The following LEPROTL1 variants were observed in gnomAD, a reference collection of about 807,000 sequenced individuals.
The protein encoded by LEPROTL1 is leptin receptor overlapping transcript like 1, also known as leptin receptor overlapping transcript-like 1.
In LEPROTL1, 6 loss-of-function variants were observed where a neutral mutation model predicts 15.4. The ratio of observed to expected loss-of-function variants is 0.39; its 90% confidence interval spans 0.21 to 0.77. The LOEUF (loss-of-function observed/expected upper bound fraction) is 0.77. Ranked by LOEUF, LEPROTL1 falls within the 30% of genes least tolerant of loss-of-function variation. The pLI is 0.41. For missense variants in LEPROTL1, 128 were observed against 158.1 expected (o/e 0.81, Z 1.02); for synonymous variants, 56 against 52.6 (o/e 1.06, Z -0.28).
intron 3 of LEPROTL1, chr8:30,104,837 C>G (rs1335873274): frequency 2.5e-5 from 4 of 160,120 alleles, no homozygotes; most frequent in Admixed American, 6.5e-5. Flanking sequence ...CTCAGCCTCC[C>G]GAGTAGCTGG....
intron 3 of LEPROTL1, among the ~76,000 whole-genome samples, chr8:30,113,635 C>T (rs1802688695): frequency 6.6e-6 from 1 of 152,092 alleles, no homozygotes; most frequent in Non-Finnish European, 1.5e-5. Flanking sequence ...CCATTATGGG[C>T]CGGAGAGAAC....
intron 3 of LEPROTL1, among the ~76,000 whole-genome samples, chr8:30,129,427 G>A (rs1053524981): frequency 2.9e-4 from 44 of 152,084 alleles, no homozygotes; most frequent in African/African-American, 4.1e-4. Flanking sequence ...ACCTGAGGCC[G>A]GGAGCGTTGA....
intron 3 of LEPROTL1, among the ~76,000 whole-genome samples, chr8:30,118,758 AG>A (rs1221371860): frequency 6.6e-6 from 1 of 152,200 alleles, no homozygotes; most frequent in Admixed American, 6.5e-5. Context: ...GCAGGGTGAT[AG>A]TGGGGAGAAG....
intron 1 of LEPROTL1, chr8:30,096,034 C>T: frequency 3.3e-6 from 2 of 601,054 alleles, no homozygotes. Flanking sequence ...CCACCCCGGC[C>T]GCCCGCGCCC....
At position 30,106,697 on chromosome 8, in the gene LEPROTL1, A is replaced by C; in HGVS notation, c.*835A>C. 1.0e-6 allele frequency: 1 copy of C among 984,742 alleles called. No individual in the cohort carries two copies. The highest frequency in any genetic ancestry group is 1.2e-6 in the Non-Finnish European group (1 of 828,984). The allele number at this position is 984,742 out of a possible 1,614,324, so 61.0% of individuals were successfully genotyped here. The stretch of plus-strand genomic sequence containing the variant: ...TTTTTGAATCCTGTTTCTATTTATA[A>C]GTGAAATTTGTGATCTCCTATCAAC... On this transcript the variant is annotated 3_prime_UTR_variant, in exon 4 of 4. Coordinates refer to ENST00000321250, the MANE Select transcript of LEPROTL1 (RefSeq NM_015344.3).
chr8:30,117,209 C>T (rs1274555243), intron 3 of LEPROTL1, among the ~76,000 whole-genome samples: 1 of 151,962 alleles, frequency 6.6e-6, no homozygotes. Context: ...ATCTTAAGGC[C>T]AGGTGTGGTG....
intron 3 of LEPROTL1, among the ~76,000 whole-genome samples, chr8:30,122,620 G>A (rs923407511): frequency 4.6e-5 from 7 of 152,224 alleles, no homozygotes; most frequent in South Asian, 4.1e-4. Flanking sequence ...GTGAAACTCC[G>A]TCTCTACTTA....
chr8:30,133,177 A>C (rs1323257760), intron 4 of LEPROTL1, among the ~76,000 whole-genome samples: 1 of 152,164 alleles, frequency 6.6e-6, no homozygotes, highest in African/African-American at 2.4e-5. Context: ...TCGGCCTCCC[A>C]GAGTGCTGGG....
Position 30,104,228 on chromosome 8 carries a change from TA to T in LEPROTL1, c.93-67del, listed in dbSNP as rs1802519117. ...GTCAAGCGATTGAATCTTGATTTTT[TA>T]AAAAGACCATATTTTGTGTGTAGGA... On this transcript the variant is annotated intron_variant, in intron 2 of 3. Coordinates refer to ENST00000321250, the MANE Select transcript of LEPROTL1 (RefSeq NM_015344.3). 18 of 932,514 alleles carry T rather than the reference TA, an allele frequency of 1.9e-5. No homozygotes were observed. The South Asian group carries it at 4.9e-4, about 25-fold the overall frequency. 57.8% of individuals were successfully genotyped at this position (932,514 alleles called of 1,614,324 possible).
intron 2 of LEPROTL1, among the ~76,000 whole-genome samples, chr8:30,102,980 T>C (rs1307295750): frequency 6.6e-6 from 1 of 152,194 alleles, no homozygotes; most frequent in African/African-American, 2.4e-5. Context: ...TGTTAGACTT[T>C]CTGATACAAA....
Position 30,105,884 on chromosome 8 carries a change from T to C in LEPROTL1, c.*22T>C. 6.7e-7 allele frequency: 1 copy of C among 1,484,700 alleles called. No homozygotes were observed. 92.0% of individuals were successfully genotyped at this position (1,484,700 alleles called of 1,614,324 possible). ...GTGAAAAGAAATTACTGAACTATTGTCAAATGGACTTCCTGTCATTTGTTG... is the reference window on the plus strand; with the variant it reads ...GTGAAAAGAAATTACTGAACTATTGCCAAATGGACTTCCTGTCATTTGTTG... On this transcript the variant is annotated 3_prime_UTR_variant, in exon 4 of 4. Coordinates refer to ENST00000321250, the MANE Select transcript of LEPROTL1 (RefSeq NM_015344.3).
At chr8:30,130,054 C>T (rs1478735781) in intron 3 of LEPROTL1, among the ~76,000 whole-genome samples, 2 of 152,126 alleles carry the variant, frequency 1.3e-5, no homozygotes, top group African/African-American at 2.4e-5. Context: ...GCCCCTCTTC[C>T]GACACTGGGG....
intron 3 of LEPROTL1, among the ~76,000 whole-genome samples, chr8:30,127,683 A>G (rs1585477911): frequency 1.6e-5 from 1 of 62,228 alleles, no homozygotes; most frequent in African/African-American, 4.0e-5. Context: ...AAAAAAAAAA[A>G]ATACACACAC....
At chr8:30,132,261 T>C (rs905158002) in intron 3 of LEPROTL1, 12 of 1,551,548 alleles carry the variant, frequency 7.7e-6, no homozygotes, top group Non-Finnish European at 1.0e-5. Context: ...AGAAGGCAAA[T>C]GTCTGCAACA....
At chr8:30,095,586 G>T (rs1802346712) in intron 1 of LEPROTL1, 58 bp downstream of exon 1, 1 of 1,294,380 alleles carries the variant, frequency 7.7e-7, no homozygotes. Context: ...GATGGGCCGG[G>T]GGTCCCACGC....
intron 1 of LEPROTL1, chr8:30,096,558 A>T (rs1802370810): frequency 4.9e-6 from 1 of 204,940 alleles, no homozygotes; most frequent in African/African-American, 2.4e-5. Context: ...CCCATATAAA[A>T]CCTTGTCATT....
chr8:30,105,979 A>C lies in LEPROTL1; in HGVS notation c.*117A>C. 7.7e-7 allele frequency: 1 copy of C among 1,299,420 alleles called. No individual in the cohort carries two copies. Among genetic ancestry groups the C allele is most frequent in the East Asian group, 3.1e-5 (1 of 32,514 alleles). 80.5% of individuals were successfully genotyped at this position (1,299,420 alleles called of 1,614,324 possible). A position where few individuals can be genotyped will look rare whatever the true frequency, so the allele number is the denominator to read the frequency against. On this transcript the variant is annotated 3_prime_UTR_variant, in exon 4 of 4. Coordinates refer to ENST00000321250, the MANE Select transcript of LEPROTL1 (RefSeq NM_015344.3). ...ATAGCAAGCCTCTTGGGGGTATTTT[A>C]GGTGCTCCCTTCTCACTTTTATTGT...
Position 30,107,648 on chromosome 8 carries a change from T to C in LEPROTL1, c.*1786T>C. 1.0e-6 allele frequency: 1 copy of C among 985,708 alleles called. No individual in the cohort carries two copies. The highest frequency in any genetic ancestry group is 1.2e-6 in the Non-Finnish European group (1 of 829,932). 61.1% of individuals were successfully genotyped at this position (985,708 alleles called of 1,614,324 possible). A position where few individuals can be genotyped will look rare whatever the true frequency, so the allele number is the denominator to read the frequency against. ...CTTCCCACTGGAGGCTGAAAGTGGC[T>C]TGTGGTATTATAATGTTCAGATTTC... On this transcript the variant is annotated 3_prime_UTR_variant, in exon 4 of 4. Coordinates refer to ENST00000321250, the MANE Select transcript of LEPROTL1 (RefSeq NM_015344.3).
At chr8:30,126,883 C>CA (rs1229286991) in intron 3 of LEPROTL1, among the ~76,000 whole-genome samples, 3 of 151,920 alleles carry the variant, frequency 2.0e-5, no homozygotes, top group South Asian at 2.1e-4. Flanking sequence ...ACTAAAAATA[C>CA]AAAAAAATTA....
Sources: gnomAD v4.1 joint callset for allele counts (sites outside exome capture counted in the v4.1 genomes callset) on GRCh38, gnomAD v4.1.1 for gene constraint, MANE v1.5 for transcripts, NCBI Gene and HGNC (gene_info 2026-07-23, HGNC 2026-07-21) for gene names.